Variants in ASTN1 observed in about 807,000 individuals in gnomAD.
ASTN1 encodes the protein astrotactin-1.
A neutral mutation model predicts 140.7 loss-of-function variants in ASTN1; 41 were observed. The observed-to-expected ratio is 0.29, with a 90% CI of 0.23 to 0.38. The LOEUF (loss-of-function observed/expected upper bound fraction) is 0.38, where lower values mean the gene tolerates loss of function less well. Ranked by LOEUF, ASTN1 falls within the 10% of genes least tolerant of loss-of-function variation. ASTN1 has a pLI of 1.00. For missense variants in ASTN1, 1,479 were observed against 1,678.8 expected, an observed-to-expected ratio of 0.88 and a Z score of 2.08; for synonymous variants, 640 against 652.2, an observed-to-expected ratio of 0.98 and a Z score of 0.29.
intron 16 of ASTN1, among the ~76,000 whole-genome samples, chr1:176,912,813 C>G (rs1389671489): frequency 6.6e-6 from 1 of 152,190 alleles, no homozygotes; most frequent in Non-Finnish European, 1.5e-5. Flanking sequence ...GCTATCATGG[C>G]TTTCTCATAG....
At chr1:177,026,840 C>T (rs1268299070) in intron 5 of ASTN1, among the ~76,000 whole-genome samples, 7 of 152,138 alleles carry the variant, frequency 4.6e-5, no homozygotes, top group Admixed American at 1.3e-4. Flanking sequence ...AGAAGCCATC[C>T]ACCTGTTCCC....
At chr1:176,969,713 C>A (rs540854754) in intron 8 of ASTN1, among the ~76,000 whole-genome samples, 1 of 152,178 alleles carries the variant, frequency 6.6e-6, no homozygotes, top group Admixed American at 6.5e-5. Flanking sequence ...TCGGAAGGAA[C>A]TTTCAGTCTC....
At chr1:176,895,638 T>C (rs553775501) in intron 16 of ASTN1, among the ~76,000 whole-genome samples, 1 of 152,312 alleles carries the variant, frequency 6.6e-6, no homozygotes, top group East Asian at 1.9e-4. Flanking sequence ...TCAATTTTGT[T>C]TGTTGAGTAA....
At position 176,869,044 on chromosome 1, in the gene ASTN1, A is replaced by G; in HGVS notation, c.3464-17T>C. On this transcript the variant is annotated splice_polypyrimidine_tract_variant and intron_variant, in intron 21 of 22. Transcript: ENST00000361833. ...CTGCTATTTCTGAGGAAGGAGGAAA[A>G]GGAAAATAAGTTATTTACATATATA... 6.5e-7 allele frequency: 1 copy of G among 1,540,612 alleles called. No individual in the cohort carries two copies. The highest frequency in any genetic ancestry group is 8.8e-7 in the Non-Finnish European group (1 of 1,135,758).
intron 1 of ASTN1, among the ~76,000 whole-genome samples, chr1:177,106,230 A>G (rs1680537796): frequency 6.6e-6 from 1 of 152,206 alleles, no homozygotes. Flanking sequence ...TTTATTATTT[A>G]GGTTAAAATA....
intron 8 of ASTN1, among the ~76,000 whole-genome samples, chr1:177,006,914 C>G (rs929653325): frequency 2.0e-5 from 3 of 152,154 alleles, no homozygotes; most frequent in African/African-American, 7.2e-5. Flanking sequence ...CATAGACTGT[C>G]CATCTCCCAT....
At chr1:176,999,484 A>T (rs1483150571) in intron 8 of ASTN1, among the ~76,000 whole-genome samples, 2 of 152,250 alleles carry the variant, frequency 1.3e-5, no homozygotes, top group Non-Finnish European at 2.9e-5. Flanking sequence ...AATGATCATC[A>T]GTATACTTGA....
chr1:177,054,677 C>T (rs1293342343), intron 2 of ASTN1, among the ~76,000 whole-genome samples: 2 of 152,158 alleles, frequency 1.3e-5, no homozygotes, highest in African/African-American at 2.4e-5. Flanking sequence ...GGGAGGAAGG[C>T]AGGACATTTA....
chr1:177,019,841 C>T (rs1009028104), intron 7 of ASTN1, among the ~76,000 whole-genome samples: 2 of 152,128 alleles, frequency 1.3e-5, no homozygotes, highest in African/African-American at 4.8e-5. Context: ...AAAGAGGGAG[C>T]AAAACAATGC....
At chr1:177,136,569 G>A (rs544543734) in intron 1 of ASTN1, among the ~76,000 whole-genome samples, 63 of 152,178 alleles carry the variant, frequency 4.1e-4, no homozygotes, top group Non-Finnish European at 8.1e-4. Flanking sequence ...GGCCATGCTG[G>A]TCTTGAATTC....
At chr1:177,066,958 C>G (rs1678390951) in intron 1 of ASTN1, among the ~76,000 whole-genome samples, 2 of 152,068 alleles carry the variant, frequency 1.3e-5, no homozygotes, top group Non-Finnish European at 2.9e-5. Context: ...TTGAGGGCAC[C>G]TGATGAACTA....
At chr1:176,986,919 C>T (rs931115625) in intron 8 of ASTN1, among the ~76,000 whole-genome samples, 2 of 152,176 alleles carry the variant, frequency 1.3e-5, no homozygotes, top group African/African-American at 4.8e-5. Context: ...CCTGTTGCAA[C>T]TGTCCCCTAA....
At chr1:177,015,031 C>T (rs1032293300) in intron 7 of ASTN1, among the ~76,000 whole-genome samples, 156 bp from the exon 8 acceptor site, 1 of 152,186 alleles carries the variant, frequency 6.6e-6, no homozygotes, top group Non-Finnish European at 1.5e-5. Flanking sequence ...ATACTCCCCT[C>T]TCCACCACTC....
intron 2 of ASTN1, among the ~76,000 whole-genome samples, chr1:177,057,307 G>A (rs943775324): frequency 6.6e-6 from 1 of 152,138 alleles, no homozygotes; most frequent in African/African-American, 2.4e-5. Flanking sequence ...GATTTATACT[G>A]GGCATGGTAT....
At chr1:177,129,990 T>A (rs934385501) in intron 1 of ASTN1, among the ~76,000 whole-genome samples, 2 of 151,804 alleles carry the variant, frequency 1.3e-5, no homozygotes, top group African/African-American at 4.8e-5. Flanking sequence ...AAAAAAGAAT[T>A]TAAAAAAGAA....
At chr1:176,948,978 C>CTA (rs1672070332) in intron 12 of ASTN1, among the ~76,000 whole-genome samples, 1 of 152,198 alleles carries the variant, frequency 6.6e-6, no homozygotes, top group African/African-American at 2.4e-5. Flanking sequence ...TCTATAGGGG[C>CTA]TGGACTAGAC....
intron 1 of ASTN1, among the ~76,000 whole-genome samples, chr1:177,157,199 T>C (rs1020530006): frequency 2.0e-5 from 3 of 152,242 alleles, no homozygotes; most frequent in African/African-American, 7.2e-5. Flanking sequence ...ATCACATTAA[T>C]ATAAGATGTT....
chr1:177,118,618 G>C (rs941865242), intron 1 of ASTN1, among the ~76,000 whole-genome samples: 2 of 152,152 alleles, frequency 1.3e-5, no homozygotes, highest in Admixed American at 6.5e-5. Flanking sequence ...ATTTCTTAGG[G>C]AGAAAGTTTT....
At chr1:177,065,028 T>C (rs1431569397) in intron 1 of ASTN1, among the ~76,000 whole-genome samples, 1 of 152,196 alleles carries the variant, frequency 6.6e-6, no homozygotes, top group African/African-American at 2.4e-5. Flanking sequence ...GCTTTACCAA[T>C]GCAAGCCTGC....
Sources: gnomAD v4.1 joint callset for allele counts (sites outside exome capture counted in the v4.1 genomes callset) on GRCh38, gnomAD v4.1.1 for gene constraint, MANE v1.5 for transcripts, NCBI Gene and HGNC (gene_info 2026-07-23, HGNC 2026-07-21) for gene names.